PALM2AKAP2: variants seen among roughly 807,000 people sequenced by gnomAD.
PALM2AKAP2 encodes PALM2-AKAP2 fusion protein.
PALM2AKAP2 carries 37 observed loss-of-function variants against 71.5 expected under a neutral mutation model. That is an observed-to-expected ratio of 0.52 (90% confidence interval 0.40 to 0.68). The LOEUF is 0.68. Ranked by LOEUF, PALM2AKAP2 falls within the 30% of genes least tolerant of loss-of-function variation. The probability of loss-of-function intolerance (pLI) is 0.00; values close to 1 mark genes in which losing one functional copy is unlikely to be tolerated. For synonymous variants in PALM2AKAP2, 468 were observed against 478.8 expected (o/e 0.98, Z 0.29); for missense variants, 1,224 against 1,191.8 (o/e 1.03, Z -0.40).
At chr9:110,156,591 TGTCTG>T in intron 3 of PALM2AKAP2, 94 bp downstream of exon 9, 1 of 1,421,232 alleles carries the variant, frequency 7.0e-7, no homozygotes, top group Non-Finnish European at 9.3e-7. Context: ...TGTATGTCGT[TGTCTG>T]GTCAGCATTA....
intron 1 of PALM2AKAP2, among the ~76,000 whole-genome samples, chr9:109,849,680 C>G (rs201226554): frequency 6.6e-6 from 1 of 152,026 alleles, no homozygotes; most frequent in Admixed American, 6.6e-5. Flanking sequence ...CACTTGAACC[C>G]GGGAGGCGAA....
chr9:110,165,446 C>T (rs1477707448), intron 3 of PALM2AKAP2, among the ~76,000 whole-genome samples: 5 of 152,092 alleles, frequency 3.3e-5, no homozygotes, highest in Non-Finnish European at 7.4e-5. Context: ...GCCTTATGAA[C>T]CCAAAGACAG....
chr9:110,101,419 C>A (rs750955988), intron 1 of PALM2AKAP2, among the ~76,000 whole-genome samples: 41 of 152,020 alleles, frequency 2.7e-4, no homozygotes, highest in Non-Finnish European at 4.9e-4. Context: ...ACTTTCTGAT[C>A]TGCTTGAAAG....
intron 1 of PALM2AKAP2, among the ~76,000 whole-genome samples, chr9:109,678,523 G>A (rs990414568): frequency 1.3e-5 from 2 of 152,184 alleles, no homozygotes; most frequent in Non-Finnish European, 2.9e-5. Flanking sequence ...GGTGAGCGAA[G>A]CAAAGCACTT....
exon 2 of PALM2AKAP2, chr9:110,136,778 C>T (rs1189896693): frequency 6.2e-6 from 10 of 1,614,162 alleles, no homozygotes; most frequent in Admixed American, 1.7e-5. Context: ...CAAGTTTGAG[C>T]TGCGTGCCTT....
At chr9:109,721,189 A>G (rs1828399963) in intron 1 of PALM2AKAP2, among the ~76,000 whole-genome samples, 1 of 152,200 alleles carries the variant, frequency 6.6e-6, no homozygotes, top group East Asian at 1.9e-4. Context: ...ATTCCCAGCT[A>G]ATCAGTCAGC....
chr9:109,844,466 C>T (rs1401043087), intron 1 of PALM2AKAP2, among the ~76,000 whole-genome samples: 1 of 152,170 alleles, frequency 6.6e-6, no homozygotes, highest in Non-Finnish European at 1.5e-5. Flanking sequence ...CTTTATTTAA[C>T]AGTATTGTAT....
At chr9:110,076,248 G>A (rs75603111) in intron 1 of PALM2AKAP2, among the ~76,000 whole-genome samples, 2,037 of 151,830 alleles carry the variant, frequency 0.013, 37 homozygotes, top group African/African-American at 0.047. Flanking sequence ...GTTTCTACAC[G>A]TGGTCCTTAA....
chr9:109,782,519 T>C (rs947371597), intron 1 of PALM2AKAP2, among the ~76,000 whole-genome samples: 9 of 152,192 alleles, frequency 5.9e-5, no homozygotes, highest in Non-Finnish European at 1.0e-4. Flanking sequence ...TAATCAACTG[T>C]TTACGTCGCA....
upstream of PALM2AKAP2, among the ~76,000 whole-genome samples, chr9:109,777,476 T>C (rs1829364996): frequency 6.6e-6 from 1 of 152,234 alleles, no homozygotes; most frequent in South Asian, 2.1e-4. Flanking sequence ...CCATGGGCTA[T>C]GTTCCTGTTC....
At chr9:109,773,174 C>T (rs1829297606) in intron 1 of PALM2AKAP2, among the ~76,000 whole-genome samples, 1 of 152,052 alleles carries the variant, frequency 6.6e-6, no homozygotes, top group South Asian at 2.1e-4. Flanking sequence ...CTCATTCTCT[C>T]ATCCAGGTTG....
chr9:110,103,205 T>G (rs1835041567), intron 1 of PALM2AKAP2, among the ~76,000 whole-genome samples: 1 of 152,178 alleles, frequency 6.6e-6, no homozygotes, highest in African/African-American at 2.4e-5. Flanking sequence ...TTCTGTTTTG[T>G]TTTTTCACAA....
chr9:110,168,429 A>C (rs772866290), exon 4 of PALM2AKAP2: 1 of 1,614,210 alleles, frequency 6.2e-7, no homozygotes, highest in South Asian at 1.1e-5. Context: ...TAATCGAAGA[A>C]AGAGCGCACT....
At chr9:109,812,672 A>G (rs577858231) in intron 1 of PALM2AKAP2, among the ~76,000 whole-genome samples, 15 of 152,372 alleles carry the variant, frequency 9.8e-5, no homozygotes, top group African/African-American at 3.6e-4. Flanking sequence ...AAATCAGGAC[A>G]GTGCAAATGG....
chr9:110,147,437 G>A (rs1448294476), intron 2 of PALM2AKAP2, among the ~76,000 whole-genome samples: 1 of 152,136 alleles, frequency 6.6e-6, no homozygotes, highest in East Asian at 1.9e-4. Flanking sequence ...TCATAAAAAT[G>A]TTGAGACAGG....
chr9:109,663,904 G>T (rs1356235866), intron 1 of PALM2AKAP2, among the ~76,000 whole-genome samples: 3 of 152,104 alleles, frequency 2.0e-5, no homozygotes, highest in Non-Finnish European at 4.4e-5. Context: ...AGGATAGTTA[G>T]GTCTTCTTGT....
chr9:110,067,707 T>G (rs1834112723), intron 1 of PALM2AKAP2, among the ~76,000 whole-genome samples: 1 of 152,226 alleles, frequency 6.6e-6, no homozygotes, highest in African/African-American at 2.4e-5. Context: ...GATATTGCTT[T>G]GTATTTCTGT....
chr9:109,770,631 G>A (rs10980035), intron 1 of PALM2AKAP2, among the ~76,000 whole-genome samples: 3,207 of 152,328 alleles, frequency 0.021, 51 homozygotes, highest in African/African-American at 0.041. Flanking sequence ...TTAGCAACCA[G>A]TCAAGAACAT....
At chr9:110,136,910 C>A (rs1173188351) in exon 2 of PALM2AKAP2, 1 of 1,614,170 alleles carries the variant, frequency 6.2e-7, no homozygotes, top group Admixed American at 1.7e-5. Flanking sequence ...GAGGAGAGAG[C>A]TCATCCGCAG....
Sources: allele counts gnomAD v4.1 joint callset (sites outside exome capture counted in the v4.1 genomes callset), GRCh38; gene constraint gnomAD v4.1.1; transcripts MANE v1.5; gene names NCBI Gene and HGNC (gene_info 2026-07-23, HGNC 2026-07-21).